Variants in BTK observed in about 807,000 individuals in gnomAD.
BTK encodes the protein Bruton tyrosine kinase.
BTK carries 5 observed loss-of-function variants against 57.4 expected under a neutral mutation model. The ratio of observed to expected loss-of-function variants is 0.09; its 90% confidence interval spans 0.05 to 0.18. The LOEUF is 0.18. Among genes scored for constraint, BTK ranks in the 10% least tolerant of loss-of-function variants. The pLI, the probability that BTK is intolerant of heterozygous loss-of-function variation, is 1.00. For missense variants in BTK, 194 were observed against 501.2 expected, an observed-to-expected ratio of 0.39 and a Z score of 5.85; for synonymous variants, 154 against 174.3, an observed-to-expected ratio of 0.88 and a Z score of 0.92.
chrX:101,377,864 TTGAC>T (rs1927263815), intron 1 of BTK: 1 of 111,376 alleles, frequency 9.0e-6, no homozygotes, highest in African/African-American at 3.3e-5. Flanking sequence ...ACCACCTTCT[TTGAC>T]TGCTTTTCTC....
rs782697907 is a variant in BTK at position 101,362,546 on chromosome X, G to A, written c.520+15C>T. 1.6e-4 allele frequency: 198 copies of A among 1,209,692 alleles called. No homozygotes were observed. The highest frequency in any genetic ancestry group is 2.3e-4 in the Middle Eastern group (1 of 4,374). ...AGTCAAAGGAGAAAGAAATTATATC[G>A]ATCAGATTGCTTACTTCCATTCCTG... On this transcript the variant is annotated intron_variant, in intron 6 of 18. Coordinates refer to ENST00000308731, the MANE Select transcript of BTK (RefSeq NM_000061.3).
At chrX:101,389,779 CA>C (rs1457183888), upstream of BTK, among the ~76,000 whole-genome samples, 1 of 111,404 alleles carries the variant, frequency 9.0e-6, no homozygotes, top group East Asian at 2.8e-4. Context: ...TCCAGCTCCA[CA>C]AAAAAATAAC....
intron 3 of BTK, among the ~76,000 whole-genome samples, chrX:101,372,454 T>C (rs1309597988): frequency 2.0e-5 from 2 of 102,504 alleles, no homozygotes; most frequent in African/African-American, 7.5e-5. Context: ...TAAAATGCTA[T>C]TTTTTTTTTT....
rs147801861 is a variant in BTK at position 101,365,344 on chromosome X, G to A, written c.392-2655C>T. Among the ~76,000 whole-genome samples, 853 of 111,835 alleles carry A rather than the reference G, an allele frequency of 7.6e-3. 3 individuals are homozygous for A. Among genetic ancestry groups the A allele is most frequent in the Non-Finnish European group, 0.012 (646 of 53,128 alleles). ...CTAAGCTTGCTAATACGATAATGAG[G>A]GGAAATAAGGCTTCTTGTCTTCCCC... is the stretch of plus-strand genomic sequence containing the variant. On this transcript the variant is annotated intron_variant, in intron 5 of 18. Coordinates refer to ENST00000308731, the MANE Select transcript of BTK (RefSeq NM_000061.3).
At chrX:101,361,786 T>C (rs1196198417) in intron 7 of BTK, among the ~76,000 whole-genome samples, 1 of 111,389 alleles carries the variant, frequency 9.0e-6, no homozygotes, top group Admixed American at 9.5e-5. Flanking sequence ...TCCCAGCTAC[T>C]CAGGAGGCTG....
intron 5 of BTK, 144 bp downstream of exon 5, chrX:101,369,854 A>T (rs1178709609): frequency 2.4e-5 from 12 of 494,789 alleles, no homozygotes; most frequent in African/African-American, 5.6e-5. Flanking sequence ...CCTTCTATCC[A>T]TTTTTTTCTT....
At chrX:101,361,686 G>A (rs1926676998) in intron 7 of BTK, among the ~76,000 whole-genome samples, 5 of 111,162 alleles carry the variant, frequency 4.5e-5, no homozygotes, top group Admixed American at 3.8e-4. Context: ...AGGCCGAGGC[G>A]GGTTCGAGAC....
rs1221958362 is a variant in BTK at position 101,371,788 on chromosome X, C to T, written c.241-87G>A. On this transcript the variant is annotated intron_variant, in intron 3 of 18. Transcript: ENST00000308731. ...AGGTACTAGAAGCCTTTTGCTGTGG[C>T]TTCAGAAGTTTCTCCTGCACAGACA... The T allele has an allele frequency of 3.8e-6, 3 of 789,174 alleles. No individual in the cohort carries two copies. The African/African-American group carries it at 6.1e-5, about 16-fold the overall frequency. 65.0% of individuals were successfully genotyped at this position (789,174 alleles called of 1,213,427 possible).
chrX:101,371,829 G>T lies in BTK; in HGVS notation c.241-128C>A, dbSNP rs1293954186. 5.4e-6 allele frequency: 3 copies of T among 559,010 alleles called. No individual in the cohort carries two copies. In the Admixed American group the frequency reaches 7.6e-5, roughly 14 times the overall value. The allele number at this position is 559,010 out of a possible 1,213,427, so 46.1% of individuals were successfully genotyped here. On this transcript the variant is annotated intron_variant, in intron 3 of 18. Transcript: ENST00000308731. ...TGCACAGACAAGGCTGATTCTTAGT[G>T]ATTACTTTCTATAGGCCAATAGGGA...
chrX:101,352,539 CG>C (rs782232726), intron 18 of BTK, among the ~76,000 whole-genome samples: 21 of 110,537 alleles, frequency 1.9e-4, no homozygotes, highest in Non-Finnish European at 2.7e-4. Context: ...CCGAGGTGGG[CG>C]GATCACTTGA....
Position 101,356,141 on chromosome X carries a change from A to G in BTK, c.1477T>C (p.Phe493Leu). Residue 493 changes from phenylalanine to leucine, a missense_variant, in exon 15 of 19, where the codon TTC becomes CTC. This residue lies in a region of BTK where 79 missense variants were observed against 217.7 expected (regional missense o/e 0.36). Transcript: ENST00000308731. ...ATCTCTAGCAGCTGCTGAGTCTGGA[A>G]GCGGTGGCGCATCTCCCTCAGGTAG... ...LNYLREMRHRFQTQQLLEMCK... is the reference protein window; with the variant it reads ...LNYLREMRHRLQTQQLLEMCK... The G allele has an allele frequency of 8.3e-7, 1 of 1,211,443 alleles. No homozygotes were observed. The highest frequency in any genetic ancestry group is 1.1e-6 in the Non-Finnish European group (1 of 895,467).
In BTK at chrX:101,374,431, G is replaced by A. The variant is rs553290240; in HGVS notation, c.240+105C>T. The A allele has an allele frequency of 6.0e-4, 398 of 659,447 alleles. 3 individuals carry two copies. In the South Asian group the frequency reaches 7.5e-3, roughly 12 times the overall value. The allele number at this position is 659,447 out of a possible 1,213,427, so 54.3% of individuals were successfully genotyped here. On this transcript the variant is annotated intron_variant, in intron 3 of 18. Transcript: ENST00000308731. ...AAGAATTTTTAAAGGAAACTTGACCGTGTTCCACGTTGCACAGCATCACCA... is the reference window on the plus strand; with the variant it reads ...AAGAATTTTTAAAGGAAACTTGACCATGTTCCACGTTGCACAGCATCACCA...
At chrX:101,375,639 T>C (rs1304259301) in intron 1 of BTK, among the ~76,000 whole-genome samples, 4 of 112,701 alleles carry the variant, frequency 3.5e-5, no homozygotes, top group African/African-American at 9.7e-5. Context: ...ACTATTCACC[T>C]TTATATGATA....
intron 10 of BTK, among the ~76,000 whole-genome samples, 175 bp from the exon 11 acceptor site, chrX:101,358,871 C>T (rs782421257): frequency 8.9e-6 from 1 of 112,094 alleles, no homozygotes; most frequent in Admixed American, 9.5e-5. Flanking sequence ...GGCATGGTGG[C>T]TCATGCCTGT....
chrX:101,367,355 G>A (rs1275737872), intron 5 of BTK, among the ~76,000 whole-genome samples: 1 of 109,756 alleles, frequency 9.1e-6, no homozygotes, highest in Non-Finnish European at 1.9e-5. Context: ...ATATTTGTTG[G>A]GCCAGGTGTG....
At chrX:101,371,560 G>A (rs1212797094) in intron 4 of BTK, 73 bp downstream of exon 4, 1 of 937,369 alleles carries the variant, frequency 1.1e-6, no homozygotes, top group Non-Finnish European at 1.5e-6. Flanking sequence ...CCTTCCCTCT[G>A]CCCTGCACCC....
chrX:101,354,787 A>G lies in BTK; in HGVS notation c.1567-93T>C. The G allele has an allele frequency of 6.9e-6, 6 of 864,940 alleles. No individual in the cohort carries two copies. The East Asian group carries it at 1.9e-4, about 27-fold the overall frequency. The allele number at this position is 864,940 out of a possible 1,213,427, so 71.3% of individuals were successfully genotyped here. ...CTGACCAGTAGAATGAAGCCAGGGA[A>G]GCTTCATCTCCTTCGACTACAGACA... On this transcript the variant is annotated intron_variant, in intron 15 of 18. Coordinates refer to ENST00000308731, the MANE Select transcript of BTK (RefSeq NM_000061.3).
chrX:101,390,592 T>C (rs959526468), upstream of BTK: 32 of 511,266 alleles, frequency 6.3e-5, no homozygotes, highest in South Asian at 1.2e-4. Context: ...CAGGTCTTCA[T>C]TGAATTAGCA....
intron 3 of BTK, among the ~76,000 whole-genome samples, chrX:101,372,920 C>A (rs923427236): frequency 9.4e-6 from 1 of 106,860 alleles, no homozygotes; most frequent in Non-Finnish European, 1.9e-5. Flanking sequence ...CCCATCTCTA[C>A]TAAAAATACA....
Sources: allele counts gnomAD v4.1 joint callset (sites outside exome capture counted in the v4.1 genomes callset), GRCh38; gene constraint gnomAD v4.1.1; regional missense constraint gnomAD v4.1.1; transcripts MANE v1.5; gene names NCBI Gene and HGNC (gene_info 2026-07-23, HGNC 2026-07-21).